DNAH6: variants seen among roughly 807,000 people sequenced by gnomAD.
DNAH6 encodes axonemal beta dynein heavy chain 6.
DNAH6 carries 340 observed loss-of-function variants against 491.4 expected under a neutral mutation model. The observed-to-expected ratio is 0.69, with a 90% confidence interval of 0.63 to 0.76. DNAH6 has a LOEUF of 0.76. Among genes scored for constraint, DNAH6 ranks in the 30% least tolerant of loss-of-function variants. The pLI, the probability that DNAH6 is intolerant of heterozygous loss-of-function variation, is 0.00. For missense variants in DNAH6, 4,443 were observed against 4,972.2 expected, an observed-to-expected ratio of 0.89 and a Z score of 3.20; for synonymous variants, 1,603 against 1,686.1, an observed-to-expected ratio of 0.95 and a Z score of 1.21.
Position 84,727,741 on chromosome 2 carries a change from C to G in DNAH6, c.10045C>G (p.Gln3349Glu). Residue 3349 changes from glutamine to glutamate, a missense_variant, in exon 61 of 77, where the codon CAA (glutamine) becomes GAA (glutamate). By Grantham distance (29) the Gln-to-Glu change is conservative. Coordinates refer to ENST00000389394, the MANE Select transcript of DNAH6 (RefSeq NM_001370.2). Reference sequence around the variant, plus strand: ...ACAGCGCCTGGACGTACTACTAGAACAAACTCTCCTAACTGCTTATGTCAA... The same window carrying G: ...ACAGCGCCTGGACGTACTACTAGAAGAAACTCTCCTAACTGCTTATGTCAA... ...LQQRLDVLLE[Q>E]TLLTAYVNVS... 2 of 1,551,602 alleles carry G rather than the reference C, an allele frequency of 1.3e-6. No homozygotes were observed. The highest frequency in any genetic ancestry group is 2.4e-5 in the South Asian group (2 of 84,060).
chr2:84,757,299 G>T (rs1168935646), intron 63 of DNAH6, among the ~76,000 whole-genome samples: 1 of 152,218 alleles, frequency 6.6e-6, no homozygotes, highest in East Asian at 1.9e-4. Context: ...GTGGAGCACA[G>T]AGAGAAAGAC....
At chr2:84,771,698 A>AATT (rs1675637736) in intron 64 of DNAH6, among the ~76,000 whole-genome samples, 1 of 152,154 alleles carries the variant, frequency 6.6e-6, no homozygotes, top group Non-Finnish European at 1.5e-5. Flanking sequence ...GGAAAGAGGG[A>AATT]CTGTTAACCA....
intron 11 of DNAH6, among the ~76,000 whole-genome samples, chr2:84,564,677 T>A (rs1680999843): frequency 6.6e-6 from 1 of 152,204 alleles, no homozygotes; most frequent in African/African-American, 2.4e-5. Flanking sequence ...GTATGCCTTT[T>A]ACTTCTTTCT....
chr2:84,760,768 C>G (rs866784637), intron 63 of DNAH6, among the ~76,000 whole-genome samples: 4 of 152,176 alleles, frequency 2.6e-5, no homozygotes, highest in Middle Eastern at 3.4e-3. Context: ...TTTTTTGAGG[C>G]ATGATCTCAC....
chr2:84,604,273 C>T (rs763678056), intron 18 of DNAH6, 66 bp from the exon 19 acceptor site: 5 of 1,309,612 alleles, frequency 3.8e-6, no homozygotes, highest in Non-Finnish European at 3.2e-6. Context: ...CAAATTGAAA[C>T]CAGAACCTGT....
At chr2:84,621,577 G>T in intron 26 of DNAH6, 26 bp downstream of exon 26, 2 of 1,408,982 alleles carry the variant, frequency 1.4e-6, no homozygotes, top group African/African-American at 1.4e-5. Flanking sequence ...AAGTGACATT[G>T]TTGTCCTGCA....
At chr2:84,751,737 C>T (rs1418245042) in intron 63 of DNAH6, among the ~76,000 whole-genome samples, 1 of 152,220 alleles carries the variant, frequency 6.6e-6, no homozygotes, top group African/African-American at 2.4e-5. Flanking sequence ...AAGTTCTCTA[C>T]ACCAGTGTTC....
intron 70 of DNAH6, among the ~76,000 whole-genome samples, chr2:84,799,777 C>A (rs1278217502): frequency 6.6e-6 from 1 of 152,178 alleles, no homozygotes; most frequent in Non-Finnish European, 1.5e-5. Context: ...GGGTGTGATG[C>A]CAGCCACTAA....
the DNAH6 span, among the ~76,000 whole-genome samples, chr2:84,464,856 C>T: frequency 1.1e-4 from 17 of 152,140 alleles, no homozygotes; most frequent in Admixed American, 1.1e-3. Flanking sequence ...CATCCTGTAA[C>T]TTAGAATGCC....
chr2:84,671,578 G>A (rs1162777500), intron 39 of DNAH6, among the ~76,000 whole-genome samples: 1 of 152,178 alleles, frequency 6.6e-6, no homozygotes, highest in Non-Finnish European at 1.5e-5. Flanking sequence ...GGCAACAGAT[G>A]CCAGTCTATT....
At position 84,699,743 on chromosome 2, in the gene DNAH6, C is replaced by A. The variant is rs954419477; in HGVS notation, c.7818+9C>A. On this transcript the variant is annotated intron_variant, in intron 48 of 76. Transcript: ENST00000389394. ...TTGACTGGTTTGTGCAGGTTGGTGA[C>A]ATCCCAGGATATCTCTTTGAGAAGT... The A allele has an allele frequency of 1.3e-6, 2 of 1,549,716 alleles. No individual in the cohort carries two copies. Among genetic ancestry groups the A allele is most frequent in the Non-Finnish European group, 1.7e-6 (2 of 1,146,230 alleles).
intron 62 of DNAH6, among the ~76,000 whole-genome samples, chr2:84,734,886 T>A (rs1463408031): frequency 2.6e-5 from 4 of 152,212 alleles, no homozygotes; most frequent in Non-Finnish European, 5.9e-5. Context: ...CTTAAATATA[T>A]TTCTTTTTTA....
chr2:84,662,864 G>T (rs575374559), intron 37 of DNAH6, among the ~76,000 whole-genome samples: 1 of 152,172 alleles, frequency 6.6e-6, no homozygotes, highest in African/African-American at 2.4e-5. Context: ...AGTAGGGGCC[G>T]ACTGACAGCT....
rs768374729 is a variant in DNAH6 at position 84,785,622 on chromosome 2, C to T, written c.10966C>T (p.Pro3656Ser). 73 of 1,534,992 alleles carry T rather than the reference C, an allele frequency of 4.8e-5. No individual in the cohort carries two copies. Among genetic ancestry groups the T allele is most frequent in the Non-Finnish European group, 6.1e-5 (70 of 1,142,112 alleles). The change falls in exon 67 of 77, where the codon CCT (proline) becomes TCT (serine). Residue 3656 changes from proline (P) to serine (S), a missense_variant. This residue lies in a region of DNAH6 where 1,463 missense variants were observed against 1,656.6 expected (regional missense o/e 0.88). Transcript: ENST00000389394. The part of the protein sequence containing the change: ...LQNSVKVTNE[P>S]PKGLRANIRR... Reference sequence around the variant, plus strand: ...TATCTAAATCCAGGTGACCAATGAGCCTCCAAAAGGCTTACGTGCAAATAT... The same window carrying T: ...TATCTAAATCCAGGTGACCAATGAGTCTCCAAAAGGCTTACGTGCAAATAT...
In DNAH6 at chr2:84,722,711, A is replaced by G. The variant is rs759481411; in HGVS notation, c.9879A>G (p.Pro3293=). ...MINVAREKYR[P]VATQGSVMYF... Reference sequence around the variant, plus strand: ...ATGTGGCTCGTGAGAAGTATCGTCCAGTGGCCACTCAAGGCTCTGTAATGT... The same window carrying G: ...ATGTGGCTCGTGAGAAGTATCGTCCGGTGGCCACTCAAGGCTCTGTAATGT... The change falls in exon 60 of 77, where the codon CCA becomes CCG. Residue 3293 remains proline (P), a synonymous_variant. Coordinates refer to ENST00000389394, the MANE Select transcript of DNAH6 (RefSeq NM_001370.2). 1.9e-6 allele frequency: 3 copies of G among 1,549,198 alleles called. No homozygotes were observed. The highest frequency in any genetic ancestry group is 4.9e-5 in the East Asian group (2 of 40,874).
At chr2:84,643,019 C>G (rs2104512440) in intron 33 of DNAH6, among the ~76,000 whole-genome samples, 1 of 152,260 alleles carries the variant, frequency 6.6e-6, no homozygotes, top group East Asian at 1.9e-4. Context: ...TATTTTTCGT[C>G]TCTCTAAAGA....
At chr2:84,668,848 GTGTGTGTGTA>G (rs55867814) in intron 37 of DNAH6, among the ~76,000 whole-genome samples, 34,759 of 111,070 alleles carry the variant, frequency 0.31, 5,066 homozygotes, top group East Asian at 0.48. Flanking sequence ...GTGTGTGTGT[GTGTGTGTGTA>G]TGATTGTAAT....
chr2:84,640,640 G>A lies in DNAH6; in HGVS notation c.4970+62G>A, dbSNP rs1013652746. On this transcript the variant is annotated intron_variant, in intron 32 of 76. Transcript: ENST00000389394. ...CCATGTGATCAAATGCATTAAATGG[G>A]TAACTCAGGAAAGGCTCTCAGAGAG... The A allele has an allele frequency of 7.5e-6, 11 of 1,464,490 alleles. No individual in the cohort carries two copies. The African/African-American group carries it at 1.3e-4, about 17-fold the overall frequency. 90.7% of individuals were successfully genotyped at this position (1,464,490 alleles called of 1,614,324 possible). A position where few individuals can be genotyped will look rare whatever the true frequency, so the allele number is the denominator to read the frequency against.
intron 16 of DNAH6, among the ~76,000 whole-genome samples, chr2:84,590,508 A>AG (rs1189828645): frequency 2.8e-5 from 4 of 142,828 alleles, no homozygotes; most frequent in Admixed American, 2.7e-4. Flanking sequence ...CAAAAAAAAA[A>AG]AAAAAAAAAA....
Sources: allele counts gnomAD v4.1 joint callset (sites outside exome capture counted in the v4.1 genomes callset), GRCh38; gene constraint gnomAD v4.1.1; regional missense constraint gnomAD v4.1.1; transcripts MANE v1.5; gene names NCBI Gene and HGNC (gene_info 2026-07-23, HGNC 2026-07-21).